The following ACYP2 variants were observed in gnomAD, a reference collection of about 807,000 sequenced individuals.
ACYP2 encodes the protein acylphosphatase-2.
In ACYP2, 12 loss-of-function variants were observed where a neutral mutation model predicts 11.2. The observed-to-expected ratio is 1.08, with a 90% confidence interval of 0.69 to 1.74. The LOEUF (loss-of-function observed/expected upper bound fraction) is 1.74, where lower values mean the gene tolerates loss of function less well. Ranked by LOEUF, ACYP2 falls within the 40% of genes most tolerant of loss-of-function variation. The pLI is 0.00. For missense variants in ACYP2, 134 were observed against 101.9 expected (o/e 1.31, Z -1.35); for synonymous variants, 43 against 32.2 (o/e 1.33, Z -1.13).
At chr2:54,028,951 A>C (rs1238105367) in intron 2 of ACYP2, among the ~76,000 whole-genome samples, 1 of 152,132 alleles carries the variant, frequency 6.6e-6, no homozygotes, top group Non-Finnish European at 1.5e-5. Flanking sequence ...TGAGCTCAGC[A>C]GTTTGAGACC....
chr2:54,243,945 C>G (rs1686837866), intron 6 of ACYP2, among the ~76,000 whole-genome samples: 1 of 151,844 alleles, frequency 6.6e-6, no homozygotes, highest in Non-Finnish European at 1.5e-5. Context: ...CACAGCTGAC[C>G]TGAAAGTCTT....
chr2:54,029,840 G>T, intron 2 of ACYP2: 1 of 416,192 alleles, frequency 2.4e-6, no homozygotes. Context: ...CTCCCTTGAT[G>T]TCTACAATAT....
Position 54,152,912 on chromosome 2 carries a change from C to G in ACYP2, c.404+14164C>G, listed in dbSNP as rs10195032. Among the ~76,000 whole-genome samples the G allele has an allele frequency of 7.3e-3, 1,119 of 152,290 alleles. 6 individuals are homozygous for G. Among genetic ancestry groups the G allele is most frequent in the African/African-American group, 0.026 (1,082 of 41,558 alleles). ...ACCTGGCCTTAAGTGAGCCTCCCAC[C>G]TCAGCCTTTCAAGTAGCTGGTATTA... On this transcript the variant is annotated intron_variant, in intron 6 of 6. Transcript: ENST00000607452.
At chr2:54,031,324 G>A (rs1187366534) in intron 2 of ACYP2, among the ~76,000 whole-genome samples, 1 of 132,638 alleles carries the variant, frequency 7.5e-6, no homozygotes, top group South Asian at 2.3e-4. Context: ...CCCACCCTGT[G>A]TGCAAGTGTT....
chr2:54,018,734 C>G (rs1488727600), intron 2 of ACYP2, among the ~76,000 whole-genome samples: 1 of 152,018 alleles, frequency 6.6e-6, no homozygotes, highest in Non-Finnish European at 1.5e-5. Context: ...AAATCAATCG[C>G]TATCTGGGTA....
intron 6 of ACYP2, among the ~76,000 whole-genome samples, chr2:54,218,391 T>C (rs542133462): frequency 8.5e-5 from 13 of 152,328 alleles, no homozygotes; most frequent in African/African-American, 3.1e-4. Flanking sequence ...TGAATCACAA[T>C]TCAACTTGTA....
At chr2:54,227,820 T>C (rs1414366639) in intron 6 of ACYP2, among the ~76,000 whole-genome samples, 2 of 152,352 alleles carry the variant, frequency 1.3e-5, no homozygotes, top group African/African-American at 4.8e-5. Context: ...GGTACCTACA[T>C]TGCATAGAAT....
intron 6 of ACYP2, among the ~76,000 whole-genome samples, chr2:54,261,217 T>G (rs1204367765): frequency 6.6e-6 from 1 of 152,152 alleles, no homozygotes; most frequent in African/African-American, 2.4e-5. Context: ...CTGCTTTGTT[T>G]TAAGGCATGG....
chr2:54,097,755 G>A (rs1678668954), intron 4 of ACYP2, among the ~76,000 whole-genome samples: 1 of 151,880 alleles, frequency 6.6e-6, no homozygotes, highest in Admixed American at 6.6e-5. Flanking sequence ...ATTTTAGCTA[G>A]AAATGCTTCC....
intron 4 of ACYP2, among the ~76,000 whole-genome samples, chr2:54,057,725 A>G (rs982545450): frequency 7.2e-5 from 11 of 152,260 alleles, no homozygotes; most frequent in African/African-American, 2.6e-4. Flanking sequence ...TATATATAAT[A>G]CTGTTGTTTA....
At position 54,096,244 on chromosome 2, in the gene ACYP2, A is replaced by G. The variant is rs1214129336; in HGVS notation, c.277+38884A>G. ...CCTCACCTCCCAGACGGGGCGGCGG[A>G]GCAGAGGCGCTCCCCACATCTCAGA... On this transcript the variant is annotated intron_variant, in intron 4 of 6. Transcript: ENST00000607452. 4.8e-4 allele frequency among the ~76,000 whole-genome samples: 62 copies of G among 129,982 alleles called. 1 individual carries two copies. Among genetic ancestry groups the G allele is most frequent in the African/African-American group, 7.3e-4 (24 of 32,794 alleles). 85.3% of individuals were successfully genotyped at this position (129,982 alleles called of 152,430 possible).
chr2:54,253,353 C>T (rs964073216), intron 6 of ACYP2: 1 of 152,160 alleles, frequency 6.6e-6, no homozygotes, highest in Non-Finnish European at 1.5e-5. Context: ...AAAAGAAAGA[C>T]TGATATTATT....
chr2:54,187,487 G>T (rs1039142387), intron 6 of ACYP2, among the ~76,000 whole-genome samples: 2 of 152,178 alleles, frequency 1.3e-5, no homozygotes. Flanking sequence ...AGAACCAGGG[G>T]CTGCTTGCGA....
chr2:54,297,920 G>T (rs1338176639), intron 6 of ACYP2, among the ~76,000 whole-genome samples: 1 of 152,134 alleles, frequency 6.6e-6, no homozygotes, highest in Non-Finnish European at 1.5e-5. Context: ...ATTATTTTTA[G>T]ATTTAAAAGG....
In ACYP2 at chr2:54,047,146, A is replaced by G. The variant is rs1010999575; in HGVS notation, c.63-3812A>G. Among the ~76,000 whole-genome samples the G allele has an allele frequency of 1.6e-4, 25 of 152,198 alleles. 2 individuals are homozygous for G. The highest frequency in any genetic ancestry group is 1.3e-3 in the Admixed American group (20 of 15,278). ...ACTGTTTTCTAAACCCATTTTTGGGACAGATTTCTGCTCTGGATGTATATA... is the reference window on the plus strand; with the variant it reads ...ACTGTTTTCTAAACCCATTTTTGGGGCAGATTTCTGCTCTGGATGTATATA... On this transcript the variant is annotated intron_variant, in intron 2 of 6. Transcript: ENST00000607452.
chr2:54,106,349 C>G (rs886402545), intron 4 of ACYP2, among the ~76,000 whole-genome samples: 8 of 151,354 alleles, frequency 5.3e-5, no homozygotes, highest in African/African-American at 1.9e-4. Context: ...CAGGTGTGAA[C>G]CACCGTTCCC....
chr2:54,192,526 A>G lies in ACYP2; in HGVS notation c.404+53778A>G, dbSNP rs548789343. Reference sequence around the variant, plus strand: ...TAACATATCCAGTTTTATTGATATAAGTTTCTAATTCCAGCCAGAACCTGG... The same window carrying G: ...TAACATATCCAGTTTTATTGATATAGGTTTCTAATTCCAGCCAGAACCTGG... On this transcript the variant is annotated intron_variant, in intron 6 of 6. Coordinates refer to ENST00000607452, the MANE Select transcript of ACYP2 (RefSeq NM_001320586.2). Among the ~76,000 whole-genome samples, 188 of 152,196 alleles carry G rather than the reference A, an allele frequency of 1.2e-3. 1 individual carries two copies. Among genetic ancestry groups the G allele is most frequent in the Middle Eastern group, 3.2e-3 (1 of 316 alleles).
At chr2:54,142,650 G>C (rs1464184668) in intron 6 of ACYP2, 2 of 152,164 alleles carry the variant, frequency 1.3e-5, no homozygotes, top group African/African-American at 4.8e-5. Flanking sequence ...TTGAGTCTGG[G>C]AGGCAGAGGT....
At chr2:54,070,270 C>CAAA (rs200624759) in intron 4 of ACYP2, among the ~76,000 whole-genome samples, 6 of 89,886 alleles carry the variant, frequency 6.7e-5, no homozygotes, top group Non-Finnish European at 8.8e-5. Context: ...AAGTCCATCT[C>CAAA]AAAAAAAAAA....
Sources: gnomAD v4.1 joint callset for allele counts (sites outside exome capture counted in the v4.1 genomes callset) on GRCh38, gnomAD v4.1.1 for gene constraint, MANE v1.5 for transcripts, NCBI Gene and HGNC (gene_info 2026-07-23, HGNC 2026-07-21) for gene names.